Variants in BCAS3 observed in about 807,000 individuals in gnomAD.
BCAS3 encodes BCAS3 microtubule associated cell migration factor, also known as BCAS4/BCAS3 fusion.
In BCAS3, 53 loss-of-function variants were observed where a neutral mutation model predicts 116.1. The observed-to-expected ratio is 0.46, with a 90% CI of 0.37 to 0.57. BCAS3 has a LOEUF of 0.57. Among genes scored for constraint, BCAS3 ranks in the 20% least tolerant of loss-of-function variants. The probability of loss-of-function intolerance (pLI) is 0.00; values close to 1 mark genes in which losing one functional copy is unlikely to be tolerated. For synonymous variants in BCAS3, 391 were observed against 408.2 expected, an observed-to-expected ratio of 0.96 and a Z score of 0.51; for missense variants, 917 against 1,165.4, an observed-to-expected ratio of 0.79 and a Z score of 3.10.
Position 61,046,046 on chromosome 17 carries a change from TA to T in BCAS3, c.2029+5156del, listed in dbSNP as rs1238570561. Reference sequence around the variant, plus strand: ...TATTATATATATATTTATATATATATAATATATATATTATATATATATAATA... The same window carrying T: ...TATTATATATATATTTATATATATATATATATATATTATATATATATAATA... On this transcript the variant is annotated intron_variant, in intron 19 of 23. Transcript: ENST00000407086. Among the ~76,000 whole-genome samples the T allele has an allele frequency of 5.1e-4, 9 of 17,620 alleles. 1 individual carries two copies. The highest frequency in any genetic ancestry group is 1.3e-3 in the African/African-American group (3 of 2,334). 11.6% of individuals were successfully genotyped at this position (17,620 alleles called of 152,430 possible). A position where few individuals can be genotyped will look rare whatever the true frequency, so the allele number is the denominator to read the frequency against.
At position 61,067,317 on chromosome 17, in the gene BCAS3, T is replaced by TATATATATATA. The variant is rs2070778205; in HGVS notation, c.2030-7603_2030-7602insATATATATATA. On this transcript the variant is annotated intron_variant, in intron 19 of 23. Coordinates refer to ENST00000407086, the MANE Select transcript of BCAS3 (RefSeq NM_017679.5). The stretch of plus-strand genomic sequence containing the variant: ...TATATATATATATATATATATATAT[T>TATATATATATA]TATACAGACTTGGCAGTATTTTTGG... Among the ~76,000 whole-genome samples, 49 of 59,706 alleles carry TATATATATATA rather than the reference T, an allele frequency of 8.2e-4. 1 individual carries two copies. The highest frequency in any genetic ancestry group is 1.6e-3 in the African/African-American group (26 of 16,474). 39.2% of individuals were successfully genotyped at this position (59,706 alleles called of 152,430 possible).
chr17:61,123,433 C>T (rs1245992908), intron 22 of BCAS3, among the ~76,000 whole-genome samples: 3 of 151,866 alleles, frequency 2.0e-5, no homozygotes, highest in African/African-American at 7.3e-5. Context: ...ACCAGGGAAC[C>T]CCTGTGAAGC....
intron 13 of BCAS3, among the ~76,000 whole-genome samples, chr17:60,941,146 A>G (rs937835077): frequency 2.6e-5 from 4 of 152,210 alleles, no homozygotes; most frequent in African/African-American, 9.6e-5. Context: ...GAGGGAGAGG[A>G]AGCTTCCAGA....
At chr17:61,103,979 CA>C (rs1344875287) in intron 22 of BCAS3, among the ~76,000 whole-genome samples, 2 of 152,162 alleles carry the variant, frequency 1.3e-5, no homozygotes, top group Non-Finnish European at 2.9e-5. Context: ...CTTGCTTCTC[CA>C]AGTATGACAT....
intron 22 of BCAS3, among the ~76,000 whole-genome samples, chr17:61,351,920 G>A (rs968169918): frequency 3.9e-5 from 6 of 152,224 alleles, no homozygotes; most frequent in African/African-American, 7.2e-5. Context: ...CATACAGCTC[G>A]TCTCTAGGCC....
rs989603583 is a variant in BCAS3, at chr17:61,256,506, G to C, written c.2426-111821G>C. Among the ~76,000 whole-genome samples, 2 of 151,954 alleles carry C rather than the reference G, an allele frequency of 1.3e-5. No individual in the cohort carries two copies. The highest frequency in any genetic ancestry group is 2.9e-5 in the Non-Finnish European group (2 of 67,982). ...TTTAGTAGAGACAGGGTTTTGCCAT[G>C]TTTGCCAGGCCGGTCTCAAACTCCT... On this transcript the variant is annotated intron_variant, in intron 22 of 23. Coordinates refer to ENST00000407086, the MANE Select transcript of BCAS3 (RefSeq NM_017679.5). This position sits in a 1 kb window ranked among gnomAD's most constrained non-coding sequence, Gnocchi z 5.6.
At position 60,994,282 on chromosome 17, in the gene BCAS3, T is replaced by A. The variant is rs566235464; in HGVS notation, c.1486+4047T>A. Among the ~76,000 whole-genome samples, 254 of 152,192 alleles carry A rather than the reference T, an allele frequency of 1.7e-3. 1 individual carries two copies. The highest frequency in any genetic ancestry group is 5.6e-3 in the African/African-American group (231 of 41,544). On this transcript the variant is annotated intron_variant, in intron 15 of 23. Transcript: ENST00000407086. This position sits in a 1 kb window ranked among gnomAD's most constrained non-coding sequence, Gnocchi z 4.4. Reference sequence around the variant, plus strand: ...ATATAATATTTTAGTATTAATTGATTATATACATTACTATAACACTTTATT... The same window carrying A: ...ATATAATATTTTAGTATTAATTGATAATATACATTACTATAACACTTTATT...
chr17:61,384,057 C>T (rs747146216), intron 23 of BCAS3: 9 of 152,296 alleles, frequency 5.9e-5, no homozygotes, highest in Admixed American at 3.9e-4. Context: ...TCTTCATAGC[C>T]GGGCAGAGCG....
intron 22 of BCAS3, among the ~76,000 whole-genome samples, chr17:61,272,680 A>T (rs1271161297): frequency 1.4e-5 from 2 of 143,302 alleles, no homozygotes. Flanking sequence ...AATTTTGATC[A>T]TCTCTCCTCA....
chr17:61,001,362 A>C (rs2064224593), intron 15 of BCAS3, among the ~76,000 whole-genome samples: 1 of 152,136 alleles, frequency 6.6e-6, no homozygotes, highest in Non-Finnish European at 1.5e-5. Context: ...GTTTATTGTA[A>C]TTTTAACTTA....
chr17:60,739,956 A>T (rs1018564845), intron 5 of BCAS3, among the ~76,000 whole-genome samples: 1 of 152,144 alleles, frequency 6.6e-6, no homozygotes, highest in Non-Finnish European at 1.5e-5. Flanking sequence ...GGAAAAGGCA[A>T]TGTAATTCTT....
At chr17:60,882,651 C>T (rs370642177) in intron 9 of BCAS3, among the ~76,000 whole-genome samples, 5,634 of 149,360 alleles carry the variant, frequency 0.038, 406 homozygotes, top group African/African-American at 0.13. Context: ...GTTTCAGCTT[C>T]CTACATATGG....
rs568864280 is a variant in BCAS3, at chr17:61,084,334, G to C, written c.2328-133G>C. ...AGCAATTAGGGACTGCAGCTCCCCT[G>C]TTTGTCTTGTTTTAGAATGGATGGT... is the stretch of plus-strand genomic sequence containing the variant. On this transcript the variant is annotated intron_variant, in intron 21 of 23. Coordinates refer to ENST00000407086, the MANE Select transcript of BCAS3 (RefSeq NM_017679.5). This position sits in a 1 kb window ranked among gnomAD's most constrained non-coding sequence, Gnocchi z 5.5. 7 of 660,692 alleles carry C rather than the reference G, an allele frequency of 1.1e-5. 1 individual carries two copies. The East Asian group carries it at 1.4e-4, about 13-fold the overall frequency. The allele number at this position is 660,692 out of a possible 1,614,324, so 40.9% of individuals were successfully genotyped here.
chr17:60,796,578 T>G (rs1050958552), intron 6 of BCAS3, among the ~76,000 whole-genome samples: 7 of 152,246 alleles, frequency 4.6e-5, no homozygotes, highest in Non-Finnish European at 7.3e-5. Flanking sequence ...TCCTGTTTCA[T>G]TTCCTAGTGA....
At chr17:61,191,896 G>A (rs12940987) in intron 22 of BCAS3, among the ~76,000 whole-genome samples, 110,040 of 151,946 alleles carry the variant, frequency 0.72, 40,173 homozygotes, top group South Asian at 0.86. Flanking sequence ...ACAGTAGTTC[G>A]CTCAGAAAGA....
chr17:61,327,241 G>T lies in BCAS3; in HGVS notation c.2426-41086G>T, dbSNP rs1322781889. Among the ~76,000 whole-genome samples, 2 of 152,076 alleles carry T rather than the reference G, an allele frequency of 1.3e-5. No individual in the cohort carries two copies. Among genetic ancestry groups the T allele is most frequent in the Non-Finnish European group, 2.9e-5 (2 of 68,028 alleles). On this transcript the variant is annotated intron_variant, in intron 22 of 23. Transcript: ENST00000407086. This position sits in a 1 kb window ranked among gnomAD's most constrained non-coding sequence, Gnocchi z 5.9. ...CACTTGAACTCAGGAGGTAGAGGTT[G>T]CAGTGAGCCAAGATTGCACCATTGC... is the stretch of plus-strand genomic sequence containing the variant.
chr17:60,979,541 G>T (rs1358780592), intron 14 of BCAS3, among the ~76,000 whole-genome samples: 3 of 148,116 alleles, frequency 2.0e-5, no homozygotes, highest in East Asian at 3.9e-4. Flanking sequence ...TGTTGAATAG[G>T]AGTGGTGAGA....
In BCAS3 at chr17:61,337,472, C is replaced by G. The variant is rs2056812859; in HGVS notation, c.2426-30855C>G. ...CTCTAGGAGGAGACGCTTGGCTTTG[C>G]CCACAGCCCTCGGCCCCAGGTCTTC... On this transcript the variant is annotated intron_variant, in intron 22 of 23. Transcript: ENST00000407086. This position sits in a 1 kb window ranked among gnomAD's most constrained non-coding sequence, Gnocchi z 4.8. 6.6e-6 allele frequency among the ~76,000 whole-genome samples: 1 copy of G among 151,916 alleles called. No individual in the cohort carries two copies. Among genetic ancestry groups the G allele is most frequent in the Non-Finnish European group, 1.5e-5 (1 of 68,028 alleles).
rs2143818409 is a variant in BCAS3, at chr17:61,122,929, AT to A, written c.2425+38367del. Among the ~76,000 whole-genome samples the A allele has an allele frequency of 6.6e-6, 1 of 150,770 alleles. No homozygotes were observed. The highest frequency in any genetic ancestry group is 6.6e-5 in the Admixed American group (1 of 15,166). On this transcript the variant is annotated intron_variant, in intron 22 of 23. Transcript: ENST00000407086. This position sits in a 1 kb window ranked among gnomAD's most constrained non-coding sequence, Gnocchi z 4.6. ...AGATAAAGACTGTGAAAGATTCCACATTATGGGTAAGTCTTTTTTTTTTTTT... is the reference window on the plus strand; with the variant it reads ...AGATAAAGACTGTGAAAGATTCCACATATGGGTAAGTCTTTTTTTTTTTTT...
Sources: allele counts gnomAD v4.1 joint callset (sites outside exome capture counted in the v4.1 genomes callset), GRCh38; gene constraint gnomAD v4.1.1; non-coding constraint Gnocchi (gnomAD v3.1); transcripts MANE v1.5; gene names NCBI Gene and HGNC (gene_info 2026-07-23, HGNC 2026-07-21).